The following MAF variants were observed in gnomAD, a reference collection of about 807,000 sequenced individuals.
The protein encoded by MAF is MAF bZIP transcription factor, also known as transcription factor Maf.
MAF carries 10 observed loss-of-function variants against 22.0 expected under a neutral mutation model. The observed-to-expected ratio is 0.45, with a 90% CI of 0.28 to 0.77. MAF has a LOEUF of 0.77. Ranked by LOEUF, MAF falls within the 30% of genes least tolerant of loss-of-function variation. MAF has a pLI of 0.12. For synonymous variants in MAF, 337 were observed against 255.8 expected, an observed-to-expected ratio of 1.32 and a Z score of -3.03; for missense variants, 544 against 548.4, an observed-to-expected ratio of 0.99 and a Z score of 0.08.
At chr16:79,291,928 A>G in the MAF span, among the ~76,000 whole-genome samples, 11 of 151,236 alleles carry the variant, frequency 7.3e-5, no homozygotes, top group Admixed American at 1.3e-4. Context: ...AGAGAACTGG[A>G]TGGTTCTCAT....
the MAF span, among the ~76,000 whole-genome samples, chr16:79,275,468 G>C: frequency 7.9e-5 from 12 of 152,148 alleles, no homozygotes; most frequent in Non-Finnish European, 1.2e-4. Context: ...AATTTCACAG[G>C]ACTGACTTCA....
At chr16:79,470,504 G>A in the MAF span, among the ~76,000 whole-genome samples, 1 of 152,206 alleles carries the variant, frequency 6.6e-6, no homozygotes, top group African/African-American at 2.4e-5. Context: ...AGTTCCTGGA[G>A]GGCAGGTCCA....
chr16:79,328,867 C>G, the MAF span, among the ~76,000 whole-genome samples: 1 of 152,168 alleles, frequency 6.6e-6, no homozygotes, highest in Non-Finnish European at 1.5e-5. Context: ...TAGTTTTCTG[C>G]CAAGGCGTTT....
chr16:79,583,270 C>T (rs115723473), downstream of MAF, among the ~76,000 whole-genome samples: 1 of 152,166 alleles, frequency 6.6e-6, no homozygotes, highest in Admixed American at 6.5e-5. Flanking sequence ...AATCATAAAG[C>T]CTTCCTTACG....
At chr16:79,579,560 A>G in the MAF span, among the ~76,000 whole-genome samples, 1 of 152,330 alleles carries the variant, frequency 6.6e-6, no homozygotes, top group South Asian at 2.1e-4. Context: ...GCAATACCAA[A>G]AGAAAAAGGA....
At chr16:79,225,394 A>C in the MAF span, among the ~76,000 whole-genome samples, 1 of 152,204 alleles carries the variant, frequency 6.6e-6, no homozygotes, top group Admixed American at 6.5e-5. Context: ...CATAAGACCT[A>C]AAACCATAAA....
chr16:79,208,472 T>C, the MAF span, among the ~76,000 whole-genome samples: 19 of 152,230 alleles, frequency 1.2e-4, no homozygotes, highest in African/African-American at 4.6e-4. Context: ...TCAGTAAGCA[T>C]TGATGACAAC....
chr16:79,373,354 G>C, the MAF span, among the ~76,000 whole-genome samples: 1 of 116,340 alleles, frequency 8.6e-6, no homozygotes, highest in Non-Finnish European at 1.8e-5. Context: ...GAGTGGGACT[G>C]GTAGCTTTTT....
chr16:79,402,547 G>C, the MAF span, among the ~76,000 whole-genome samples: 1 of 152,356 alleles, frequency 6.6e-6, no homozygotes, highest in Non-Finnish European at 1.5e-5. Context: ...GGGGCGCTGG[G>C]TGGGGCCTGG....
chr16:79,332,083 T>C, the MAF span, among the ~76,000 whole-genome samples: 1 of 152,186 alleles, frequency 6.6e-6, no homozygotes, highest in East Asian at 1.9e-4. Context: ...CCTTAGCACA[T>C]GTTAGGTACT....
chr16:79,523,593 T>C, the MAF span, among the ~76,000 whole-genome samples: 1 of 152,156 alleles, frequency 6.6e-6, no homozygotes, highest in African/African-American at 2.4e-5. Context: ...AAGAGTTTAG[T>C]GAAGAAGACA....
At chr16:79,565,508 G>A in the MAF span, among the ~76,000 whole-genome samples, 1 of 122,418 alleles carries the variant, frequency 8.2e-6, no homozygotes, top group Non-Finnish European at 1.9e-5. Context: ...ACGTGTTGTG[G>A]GGGGGGGGAC....
At chr16:79,334,774 G>A in the MAF span, among the ~76,000 whole-genome samples, 16 of 152,138 alleles carry the variant, frequency 1.1e-4, no homozygotes, top group Non-Finnish European at 1.6e-4. Context: ...TGTGTCCCAG[G>A]CAGGGAGAAA....
At chr16:79,221,974 G>A in the MAF span, among the ~76,000 whole-genome samples, 5 of 152,052 alleles carry the variant, frequency 3.3e-5, no homozygotes, top group Admixed American at 2.0e-4. Context: ...ACAGAGAAAC[G>A]TTTTTCTTAA....
chr16:79,548,592 T>C, the MAF span, among the ~76,000 whole-genome samples: 1 of 152,186 alleles, frequency 6.6e-6, no homozygotes, highest in Admixed American at 6.5e-5. Flanking sequence ...TAGATGGCAT[T>C]GATGATGAAG....
chr16:79,563,259 G>T, the MAF span, among the ~76,000 whole-genome samples: 1 of 152,212 alleles, frequency 6.6e-6, no homozygotes, highest in Non-Finnish European at 1.5e-5. Flanking sequence ...CGTCTCATGT[G>T]ACAGCCGCTG....
chr16:79,324,220 C>T, the MAF span, among the ~76,000 whole-genome samples: 1 of 152,178 alleles, frequency 6.6e-6, no homozygotes, highest in African/African-American at 2.4e-5. Flanking sequence ...TGAAATGCTG[C>T]ATTTCGTCAT....
the MAF span, among the ~76,000 whole-genome samples, chr16:79,353,856 C>T: frequency 5.9e-5 from 9 of 152,140 alleles, no homozygotes; most frequent in Non-Finnish European, 8.8e-5. Context: ...GAATGATCAT[C>T]GTTAACACCT....
the MAF span, among the ~76,000 whole-genome samples, chr16:79,293,305 G>A: frequency 6.6e-6 from 1 of 152,128 alleles, no homozygotes; most frequent in East Asian, 1.9e-4. Context: ...AGAGTCTACA[G>A]AGGATGGATT....
Sources: allele counts gnomAD v4.1 joint callset (sites outside exome capture counted in the v4.1 genomes callset), GRCh38; gene constraint gnomAD v4.1.1; transcripts MANE v1.5; gene names NCBI Gene and HGNC (gene_info 2026-07-23, HGNC 2026-07-21).